Variants in PRMT8 observed in about 807,000 individuals in gnomAD.
PRMT8 encodes protein arginine N-methyltransferase 8.
PRMT8 carries 7 observed loss-of-function variants against 47.1 expected under a neutral mutation model. The observed-to-expected ratio is 0.15, with a 90% CI of 0.08 to 0.28. The LOEUF (loss-of-function observed/expected upper bound fraction) is 0.28, where lower values mean the gene tolerates loss of function less well. PRMT8 is among the 10% of genes least tolerant of loss of function. The pLI is 1.00. For missense variants in PRMT8, 237 were observed against 505.4 expected (o/e 0.47, Z 5.09); for synonymous variants, 188 against 186.5 (o/e 1.01, Z -0.07).
chr12:3,577,934 C>T (rs965261877), intron 7 of PRMT8, among the ~76,000 whole-genome samples: 2 of 152,174 alleles, frequency 1.3e-5, no homozygotes, highest in African/African-American at 2.4e-5. Context: ...AGGTGCCCTC[C>T]GCCTCCCTCC....
chr12:3,562,242 G>A (rs959062344), intron 4 of PRMT8, among the ~76,000 whole-genome samples: 52 of 152,200 alleles, frequency 3.4e-4, no homozygotes, highest in African/African-American at 9.9e-4. Context: ...TAATGAGCCT[G>A]TAGTAGTGAC....
chr12:3,401,416 A>G (rs1038323373), intron 1 of PRMT8, among the ~76,000 whole-genome samples: 2 of 152,134 alleles, frequency 1.3e-5, no homozygotes, highest in African/African-American at 4.8e-5. Context: ...AATCGGCACA[A>G]GAAAAGGATG....
At chr12:3,485,481 C>G (rs980120647) in intron 1 of PRMT8, among the ~76,000 whole-genome samples, 4 of 152,100 alleles carry the variant, frequency 2.6e-5, no homozygotes, top group African/African-American at 9.7e-5. Flanking sequence ...AAAATAAAAG[C>G]TTCTGTTCAT....
chr12:3,439,194 ACT>A (rs1337642764), intron 1 of PRMT8, among the ~76,000 whole-genome samples: 1 of 152,226 alleles, frequency 6.6e-6, no homozygotes. Context: ...AATAAATCTA[ACT>A]CTGTTCTATA....
At chr12:3,491,888 GTT>G (rs1555085157) in intron 1 of PRMT8, among the ~76,000 whole-genome samples, 188 bp downstream of exon 1, 110 of 70,490 alleles carry the variant, frequency 1.6e-3, no homozygotes, top group Non-Finnish European at 1.7e-3. Context: ...GTGTGTGTGT[GTT>G]GGTGGGGGGT....
chr12:3,467,376 C>A (rs756852639), intron 1 of PRMT8, among the ~76,000 whole-genome samples: 2 of 152,072 alleles, frequency 1.3e-5, no homozygotes, highest in African/African-American at 4.8e-5. Context: ...GCACAGACAC[C>A]CGAGCAGTCT....
Position 3,553,653 on chromosome 12 carries a change from C to T in PRMT8, c.420C>T (p.Ile140=), listed in dbSNP as rs757296672. 26 of 1,604,480 alleles carry T rather than the reference C, an allele frequency of 1.6e-5. No homozygotes were observed. The highest frequency in any genetic ancestry group is 3.3e-4 in the Middle Eastern group (2 of 6,072). ...AKAGAKKVFG[I]ECSSISDYSE... ...CCTTTGTCCTATGCCCTTTCCAGAT[C>T]GAATGCTCCAGTATTTCTGACTACT... Residue 140 remains isoleucine (I), a splice_region_variant and synonymous_variant, in exon 4 of 10, where the codon ATC becomes ATT. Transcript: ENST00000382622.
upstream of PRMT8, among the ~76,000 whole-genome samples, chr12:3,491,032 A>G (rs1865385961): frequency 6.6e-6 from 1 of 152,084 alleles, no homozygotes; most frequent in South Asian, 2.1e-4. Flanking sequence ...AGTTGTGTGC[A>G]GCGCCAGGGA....
At chr12:3,480,645 G>T (rs921801048) in intron 1 of PRMT8, among the ~76,000 whole-genome samples, 9 of 56,996 alleles carry the variant, frequency 1.6e-4, no homozygotes, top group Non-Finnish European at 2.8e-4. Context: ...TTAGTTCAGT[G>T]CTTCCTCCCC....
intron 3 of PRMT8, chr12:3,553,332 G>A: frequency 2.4e-6 from 1 of 422,684 alleles, no homozygotes; most frequent in Non-Finnish European, 4.3e-6. Flanking sequence ...AGGACGTACT[G>A]CCTCCTGCCA....
chr12:3,440,165 A>T (rs1864783829), intron 1 of PRMT8, among the ~76,000 whole-genome samples: 1 of 152,220 alleles, frequency 6.6e-6, no homozygotes, highest in Non-Finnish European at 1.5e-5. Context: ...ATTATCTTTT[A>T]AAAAACCTAT....
intron 1 of PRMT8, among the ~76,000 whole-genome samples, chr12:3,534,115 C>T (rs955891495): frequency 6.6e-6 from 1 of 152,264 alleles, no homozygotes; most frequent in Non-Finnish European, 1.5e-5. Flanking sequence ...CCTGCCACCC[C>T]TACTCTGTCC....
chr12:3,482,271 C>G (rs1208470689), intron 1 of PRMT8, among the ~76,000 whole-genome samples: 1 of 152,158 alleles, frequency 6.6e-6, no homozygotes, highest in Non-Finnish European at 1.5e-5. Context: ...AAGAAAAGAC[C>G]ATCTTTGTAG....
At chr12:3,511,266 G>T (rs1014419759) in intron 1 of PRMT8, among the ~76,000 whole-genome samples, 4 of 152,168 alleles carry the variant, frequency 2.6e-5, no homozygotes, top group Non-Finnish European at 5.9e-5. Context: ...ATGCCCATGG[G>T]TGCTGAATTC....
chr12:3,568,013 G>A (rs1866755813), intron 4 of PRMT8, among the ~76,000 whole-genome samples: 2 of 151,558 alleles, frequency 1.3e-5, no homozygotes, highest in Non-Finnish European at 2.9e-5. Flanking sequence ...CGGAGGTTGT[G>A]GTGAGCAGAG....
chr12:3,568,410 G>C (rs564007025), intron 4 of PRMT8, among the ~76,000 whole-genome samples: 46 of 152,176 alleles, frequency 3.0e-4, no homozygotes, highest in African/African-American at 9.6e-4. Context: ...TTAAGGGTCA[G>C]TTGTAATGTG....
chr12:3,549,096 T>C (rs1204701941), intron 2 of PRMT8, among the ~76,000 whole-genome samples: 2 of 152,148 alleles, frequency 1.3e-5, no homozygotes, highest in African/African-American at 4.8e-5. Flanking sequence ...AGAAATCAGA[T>C]CATTTGTCAT....
At position 3,471,084 on chromosome 12, in the gene PRMT8, C is replaced by G. The variant is rs992113308; in HGVS notation, c.49-69522C>G. ...GCAGCGCTCAGAGAAGCAGAAGGAG[C>G]GGTGGTTTCTTCATAGAGCAGCAAG... On this transcript the variant is annotated intron_variant, in intron 1 of 9. Coordinates refer to the PRMT8 transcript ENST00000452611. 3.9e-5 allele frequency among the ~76,000 whole-genome samples: 6 copies of G among 152,036 alleles called. No homozygotes were observed. In the East Asian group the frequency reaches 1.2e-3, roughly 29 times the overall value.
Position 3,569,578 on chromosome 12 carries a change from T to G in PRMT8, c.712+14T>G. 1 of 1,609,896 alleles carries G rather than the reference T, an allele frequency of 6.2e-7. No individual in the cohort carries two copies. ...TCAAAATCCACTGTAAGTCCCCTCTTGCTTCTCCGGTGGACTTCCACTGCA... is the reference window on the plus strand; with the variant it reads ...TCAAAATCCACTGTAAGTCCCCTCTGGCTTCTCCGGTGGACTTCCACTGCA... On this transcript the variant is annotated intron_variant, in intron 6 of 9. Transcript: ENST00000382622. The surrounding 1 kb of genome is among the most constrained non-coding windows in gnomAD (Gnocchi z 8.2).
Sources: gnomAD v4.1 joint callset for allele counts (sites outside exome capture counted in the v4.1 genomes callset) on GRCh38, gnomAD v4.1.1 for gene constraint, Gnocchi (gnomAD v3.1) non-coding constraint, MANE v1.5 for transcripts, NCBI Gene and HGNC (gene_info 2026-07-23, HGNC 2026-07-21) for gene names.